PPP6R3: variants seen among roughly 807,000 people sequenced by gnomAD.
PPP6R3 encodes serine/threonine-protein phosphatase 6 regulatory subunit 3.
In PPP6R3, 38 loss-of-function variants were observed where a neutral mutation model predicts 110.7. The ratio of observed to expected loss-of-function variants is 0.34; its 90% confidence interval spans 0.26 to 0.45. The LOEUF (loss-of-function observed/expected upper bound fraction) is 0.45, where lower values mean the gene tolerates loss of function less well. Among genes scored for constraint, PPP6R3 ranks in the 20% least tolerant of loss-of-function variants. The probability of loss-of-function intolerance (pLI) is 1.00; values close to 1 mark genes in which losing one functional copy is unlikely to be tolerated. For synonymous variants in PPP6R3, 369 were observed against 373.5 expected, an observed-to-expected ratio of 0.99 and a Z score of 0.14; for missense variants, 870 against 1,062.4, an observed-to-expected ratio of 0.82 and a Z score of 2.52.
chr11:68,599,291 G>A (rs1012737957), intron 19 of PPP6R3, among the ~76,000 whole-genome samples: 1 of 152,258 alleles, frequency 6.6e-6, no homozygotes, highest in Non-Finnish European at 1.5e-5. Context: ...AAAGCATGGT[G>A]TGCAGTTAGA....
chr11:68,463,357 A>AAAAAAAAAAAAC (rs2098722079), intron 1 of PPP6R3, among the ~76,000 whole-genome samples: 1 of 141,090 alleles, frequency 7.1e-6, no homozygotes, highest in Non-Finnish European at 1.5e-5. Flanking sequence ...CAGTCTCAGA[A>AAAAAAAAAAAAC]AAAAAAAAAA....
intron 21 of PPP6R3, among the ~76,000 whole-genome samples, chr11:68,602,455 C>G (rs1300142524): frequency 6.6e-6 from 1 of 152,138 alleles, no homozygotes; most frequent in Non-Finnish European, 1.5e-5. Flanking sequence ...CAAATGTGTT[C>G]CTTGCACGGC....
chr11:68,606,313 T>C (rs1408425643), intron 22 of PPP6R3, among the ~76,000 whole-genome samples: 3 of 151,886 alleles, frequency 2.0e-5, no homozygotes, highest in Non-Finnish European at 2.9e-5. Context: ...TTCCTCCTTC[T>C]TTCTTCTTCT....
chr11:68,581,638 C>T (rs2099554986), intron 14 of PPP6R3, among the ~76,000 whole-genome samples: 1 of 152,216 alleles, frequency 6.6e-6, no homozygotes, highest in African/African-American at 2.4e-5. Flanking sequence ...TTAACATAGT[C>T]CTGTGAGATG....
chr11:68,528,018 T>G (rs1033608226), intron 2 of PPP6R3, among the ~76,000 whole-genome samples: 3 of 152,228 alleles, frequency 2.0e-5, no homozygotes, highest in Non-Finnish European at 4.4e-5. Context: ...TGTCCTCCCT[T>G]GAGCTACCTT....
chr11:68,609,010 A>C (rs932361135), intron 22 of PPP6R3, among the ~76,000 whole-genome samples: 2 of 152,180 alleles, frequency 1.3e-5, no homozygotes, highest in Admixed American at 6.5e-5. Flanking sequence ...ATGCATCCTA[A>C]TATGAGATTT....
intron 16 of PPP6R3, 129 bp from the exon 17 acceptor site, chr11:68,590,531 G>A (rs943120998): frequency 9.4e-7 from 1 of 1,063,098 alleles, no homozygotes; most frequent in Admixed American, 2.9e-5. Context: ...GGTTGTTTCT[G>A]TTTGTTTTTT....
At chr11:68,513,519 C>G (rs1244791153) in intron 1 of PPP6R3, among the ~76,000 whole-genome samples, 1 of 152,164 alleles carries the variant, frequency 6.6e-6, no homozygotes, top group African/African-American at 2.4e-5. Context: ...TTGAAACAGA[C>G]AGCATGTACT....
intron 11 of PPP6R3, among the ~76,000 whole-genome samples, chr11:68,570,533 C>T (rs924349441): frequency 6.6e-6 from 1 of 152,230 alleles, no homozygotes; most frequent in African/African-American, 2.4e-5. Context: ...TCCAGTATTG[C>T]AGCCTACAGC....
intron 1 of PPP6R3, among the ~76,000 whole-genome samples, chr11:68,476,954 A>C (rs997236140): frequency 2.0e-5 from 3 of 151,922 alleles, no homozygotes; most frequent in African/African-American, 7.3e-5. Context: ...TGAGCCCAGG[A>C]GTTCGAGGCT....
Position 68,614,503 on chromosome 11 carries a change from G to A in PPP6R3, c.*1386G>A, listed in dbSNP as rs1944818633. 1 of 1,413,320 alleles carries A rather than the reference G, an allele frequency of 7.1e-7. No individual in the cohort carries two copies. Among genetic ancestry groups the A allele is most frequent in the Non-Finnish European group, 9.2e-7 (1 of 1,086,326 alleles). 87.5% of individuals were successfully genotyped at this position (1,413,320 alleles called of 1,614,324 possible). ...GTATTTAAAACCAAAAGGATATTCTGAAAAATGGCCAACAATTTTTTTAGA... is the reference window on the plus strand; with the variant it reads ...GTATTTAAAACCAAAAGGATATTCTAAAAAATGGCCAACAATTTTTTTAGA... On this transcript the variant is annotated 3_prime_UTR_variant, in exon 24 of 24. Transcript: ENST00000393800.
chr11:68,544,231 C>G (rs911735277), intron 3 of PPP6R3, among the ~76,000 whole-genome samples: 1 of 152,186 alleles, frequency 6.6e-6, no homozygotes, highest in Admixed American at 6.5e-5. Flanking sequence ...GCTAGGACAA[C>G]ATTTTTTTTG....
At chr11:68,510,556 G>A (rs575363803) in intron 1 of PPP6R3, among the ~76,000 whole-genome samples, 130 of 151,866 alleles carry the variant, frequency 8.6e-4, no homozygotes, top group African/African-American at 2.4e-3. Context: ...GGCTGGTCTC[G>A]AACTCCTGGG....
chr11:68,497,142 G>T (rs929602335), intron 1 of PPP6R3, among the ~76,000 whole-genome samples: 2 of 151,404 alleles, frequency 1.3e-5, no homozygotes, highest in African/African-American at 4.9e-5. Flanking sequence ...CGCCTCCCGG[G>T]TTCACGCCAT....
intron 4 of PPP6R3, 129 bp from the exon 5 acceptor site, chr11:68,547,938 A>C: frequency 2.2e-6 from 2 of 928,462 alleles, no homozygotes. Context: ...CTTGTTGCTA[A>C]TTCAGCATTT....
At chr11:68,464,972 C>T (rs2153224113) in intron 1 of PPP6R3, among the ~76,000 whole-genome samples, 1 of 151,786 alleles carries the variant, frequency 6.6e-6, no homozygotes, top group African/African-American at 2.4e-5. Flanking sequence ...ACCTCCGCCT[C>T]CTGGGTTCAA....
chr11:68,461,318 T>C (rs370971422), intron 1 of PPP6R3, among the ~76,000 whole-genome samples: 1 of 152,136 alleles, frequency 6.6e-6, no homozygotes. Flanking sequence ...ATTGTTGGAC[T>C]CTGCTCTTCG....
chr11:68,478,647 GTTTTTTTT>G lies in PPP6R3; in HGVS notation c.-158+17838_-158+17845del, dbSNP rs769296530. Among the ~76,000 whole-genome samples the G allele has an allele frequency of 6.5e-3, 326 of 50,532 alleles. 13 individuals are homozygous for G. Among genetic ancestry groups the G allele is most frequent in the Admixed American group, 0.022 (61 of 2,732 alleles). 33.2% of individuals were successfully genotyped at this position (50,532 alleles called of 152,430 possible). On this transcript the variant is annotated intron_variant, in intron 1 of 23. Coordinates refer to ENST00000393800, the MANE Select transcript of PPP6R3 (RefSeq NM_001164161.2). ...ACTGATGAGTTAGTGCACTTGGTAA[GTTTTTTTT>G]TTTTTTTTTTTTTTTTTGAGAAGAT...
chr11:68,564,806 G>T (rs1391377495), intron 9 of PPP6R3, among the ~76,000 whole-genome samples: 1 of 152,174 alleles, frequency 6.6e-6, no homozygotes, highest in East Asian at 1.9e-4. Context: ...TATGTCTGAT[G>T]TATAGTCGAC....
Sources: gnomAD v4.1 joint callset for allele counts (sites outside exome capture counted in the v4.1 genomes callset) on GRCh38, gnomAD v4.1.1 for gene constraint, MANE v1.5 for transcripts, NCBI Gene and HGNC (gene_info 2026-07-23, HGNC 2026-07-21) for gene names.